The following DLGAP2 variants were observed in gnomAD, a reference collection of about 807,000 sequenced individuals.
DLGAP2 encodes the protein disks large-associated protein 2.
A neutral mutation model predicts 100.3 loss-of-function variants in DLGAP2; 26 were observed. The observed-to-expected ratio is 0.26, with a 90% confidence interval of 0.19 to 0.36. The LOEUF is 0.36. Ranked by LOEUF, DLGAP2 falls within the 10% of genes least tolerant of loss-of-function variation. The probability of loss-of-function intolerance (pLI) is 1.00; values close to 1 mark genes in which losing one functional copy is unlikely to be tolerated. For synonymous variants in DLGAP2, 886 were observed against 630.1 expected (o/e 1.41, Z -6.08); for missense variants, 1,858 against 1,453.2 (o/e 1.28, Z -4.53).
intron 6 of DLGAP2, among the ~76,000 whole-genome samples, chr8:1,579,943 C>T (rs998492192): frequency 1.3e-5 from 2 of 152,156 alleles, no homozygotes; most frequent in Non-Finnish European, 1.5e-5. Flanking sequence ...CAGGCAGCCG[C>T]AGGGCAGCAC....
chr8:1,499,130 G>A (rs1367451516), intron 3 of DLGAP2, among the ~76,000 whole-genome samples: 2 of 152,254 alleles, frequency 1.3e-5, no homozygotes, highest in Non-Finnish European at 2.9e-5. Context: ...TTGGAGTGCT[G>A]TTCTCAAGAT....
intron 6 of DLGAP2, among the ~76,000 whole-genome samples, chr8:1,583,104 T>C (rs924843728): frequency 2.0e-5 from 3 of 152,178 alleles, no homozygotes; most frequent in Non-Finnish European, 4.4e-5. Context: ...GTGAAGCCAT[T>C]TCTCCAAGGT....
chr8:1,000,667 C>T (rs1011834008), intron 2 of DLGAP2, among the ~76,000 whole-genome samples: 8 of 152,228 alleles, frequency 5.3e-5, no homozygotes, highest in South Asian at 2.1e-4. Flanking sequence ...ATGAACTGTC[C>T]GGTATTACTG....
At position 1,578,168 on chromosome 8, in the gene DLGAP2, C is replaced by T. The variant is rs373448741; in HGVS notation, c.1442+12274C>T. ...AGGAGCTGACTGACAAAATCTTTTACGTTTCCAAGTGATTCAAATGATAAA... is the reference window on the plus strand; with the variant it reads ...AGGAGCTGACTGACAAAATCTTTTATGTTTCCAAGTGATTCAAATGATAAA... On this transcript the variant is annotated intron_variant, in intron 6 of 14. Transcript: ENST00000637795. Among the ~76,000 whole-genome samples, 6 of 152,316 alleles carry T rather than the reference C, an allele frequency of 3.9e-5. No individual in the cohort carries two copies. The East Asian group carries it at 7.7e-4, about 20-fold the overall frequency.
chr8:868,642 C>T (rs1307228721), intron 1 of DLGAP2, among the ~76,000 whole-genome samples: 6 of 152,230 alleles, frequency 3.9e-5, no homozygotes. Context: ...CTGGAGCATT[C>T]ATGTGCTCTT....
chr8:1,091,310 A>G lies in DLGAP2; in HGVS notation c.74-167541A>G, dbSNP rs1405369756. On this transcript the variant is annotated intron_variant, in intron 2 of 14. Coordinates refer to ENST00000637795, the MANE Select transcript of DLGAP2 (RefSeq NM_001346810.2). The stretch of plus-strand genomic sequence containing the variant: ...TTAAATCTGCCGGCACCTTGTCTGT[A>G]AAAACTGTACAAAAATGTTCAGAAG... Among the ~76,000 whole-genome samples, 5 of 152,342 alleles carry G rather than the reference A, an allele frequency of 3.3e-5. 1 individual carries two copies. The East Asian group carries it at 9.6e-4, about 29-fold the overall frequency.
chr8:1,407,987 C>G lies in DLGAP2; in HGVS notation c.107-93379C>G, dbSNP rs151207004. Among the ~76,000 whole-genome samples the G allele has an allele frequency of 2.2e-4, 34 of 152,322 alleles. No homozygotes were observed. The East Asian group carries it at 3.1e-3, about 14-fold the overall frequency. The stretch of plus-strand genomic sequence containing the variant: ...TTGGGGTGGGCTGTCCTGCACAGCA[C>G]AGCATGTTTAACAGCATCGCTGGAC... On this transcript the variant is annotated intron_variant, in intron 3 of 14. Transcript: ENST00000637795.
chr8:1,024,336 TCCCTGGGGGTGGACAGTCCCGTGC>T (rs2129025708), intron 2 of DLGAP2, among the ~76,000 whole-genome samples: 1 of 133,206 alleles, frequency 7.5e-6, no homozygotes, highest in East Asian at 2.3e-4. Context: ...CCACCCACCC[TCCCTGGGGGTGGACAGTCCCGTGC>T]CGAGGCAGAC....
intron 5 of DLGAP2, among the ~76,000 whole-genome samples, chr8:1,550,875 T>A (rs889648143): frequency 6.6e-6 from 1 of 152,200 alleles, no homozygotes; most frequent in Non-Finnish European, 1.5e-5. Flanking sequence ...GTGTCCCAAC[T>A]CACAAATCAC....
At chr8:1,419,995 T>C (rs1196479330) in intron 3 of DLGAP2, among the ~76,000 whole-genome samples, 1 of 152,192 alleles carries the variant, frequency 6.6e-6, no homozygotes, top group African/African-American at 2.4e-5. Context: ...AGTTCAGCTG[T>C]AAAAAGAATG....
chr8:1,090,095 G>C (rs141414205), intron 2 of DLGAP2, among the ~76,000 whole-genome samples: 2,914 of 144,040 alleles, frequency 0.02, 114 homozygotes, highest in Middle Eastern at 0.037. Flanking sequence ...CTCCTGGGCA[G>C]ACAGGGGTGG....
intron 3 of DLGAP2, among the ~76,000 whole-genome samples, chr8:1,436,171 G>A (rs1369962162): frequency 6.6e-6 from 1 of 152,184 alleles, no homozygotes; most frequent in Non-Finnish European, 1.5e-5. Flanking sequence ...TGCAAGCTGA[G>A]GAACCAGGAA....
chr8:1,104,715 C>T (rs1327936039), intron 2 of DLGAP2, among the ~76,000 whole-genome samples: 1 of 152,128 alleles, frequency 6.6e-6, no homozygotes, highest in East Asian at 1.9e-4. Context: ...GGGTTGGGGT[C>T]CCGGGGCCCA....
intron 2 of DLGAP2, among the ~76,000 whole-genome samples, chr8:923,638 A>G (rs1033428465): frequency 6.6e-6 from 1 of 152,140 alleles, no homozygotes; most frequent in African/African-American, 2.4e-5. Flanking sequence ...ATTGCATTTT[A>G]CCAGTTTAGA....
chr8:1,207,823 T>C (rs1486134480), intron 2 of DLGAP2, among the ~76,000 whole-genome samples: 1 of 152,210 alleles, frequency 6.6e-6, no homozygotes, highest in African/African-American at 2.4e-5. Flanking sequence ...ATTAATGATG[T>C]TGAGCATTTT....
At chr8:1,370,628 G>A (rs79202196) in intron 3 of DLGAP2, among the ~76,000 whole-genome samples, 6,429 of 152,302 alleles carry the variant, frequency 0.042, 337 homozygotes, top group East Asian at 0.21. Context: ...GGGAGCACGG[G>A]GAGCTGTCAC....
intron 3 of DLGAP2, among the ~76,000 whole-genome samples, chr8:1,463,841 C>G (rs1369346619): frequency 1.3e-5 from 2 of 152,216 alleles, no homozygotes; most frequent in African/African-American, 4.8e-5. Context: ...GTGGTTTGAG[C>G]TGATTCACAA....
intron 1 of DLGAP2, among the ~76,000 whole-genome samples, chr8:844,620 G>T (rs1396692927): frequency 6.6e-6 from 1 of 152,146 alleles, no homozygotes; most frequent in Non-Finnish European, 1.5e-5. Context: ...GCCTATCAAG[G>T]ATCCCCACTA....
chr8:896,218 G>A (rs1477949435), intron 1 of DLGAP2, among the ~76,000 whole-genome samples: 2 of 146,222 alleles, frequency 1.4e-5, no homozygotes, highest in African/African-American at 5.1e-5. Flanking sequence ...GGATGGGGAT[G>A]ATAGTGGCTA....
Sources: allele counts gnomAD v4.1 joint callset (sites outside exome capture counted in the v4.1 genomes callset), GRCh38; gene constraint gnomAD v4.1.1; transcripts MANE v1.5; gene names NCBI Gene and HGNC (gene_info 2026-07-23, HGNC 2026-07-21).